The following BAIAP2L2 variants were observed in gnomAD, a reference collection of about 807,000 sequenced individuals.
BAIAP2L2 encodes BAR/IMD domain containing adaptor protein 2 like 2.
In BAIAP2L2, 65 loss-of-function variants were observed where a neutral mutation model predicts 60.4. That is an observed-to-expected ratio of 1.08 (90% confidence interval 0.88 to 1.32). The LOEUF (loss-of-function observed/expected upper bound fraction) is 1.32, where lower values mean the gene tolerates loss of function less well. Among genes scored for constraint, BAIAP2L2 ranks in the 40% most tolerant of loss-of-function variants. BAIAP2L2 has a pLI of 0.00. For missense variants in BAIAP2L2, 836 were observed against 741.2 expected (o/e 1.13, Z -1.48); for synonymous variants, 344 against 301.7 (o/e 1.14, Z -1.45).
intron 7 of BAIAP2L2, chr22:38,091,157 A>G (rs1311880042): frequency 6.6e-6 from 1 of 152,292 alleles, no homozygotes; most frequent in African/African-American, 2.4e-5. Context: ...TCCCGGCTTC[A>G]AGTGATTATT....
intron 1 of BAIAP2L2, among the ~76,000 whole-genome samples, 163 bp downstream of exon 1, chr22:38,110,312 C>T (rs529130320): frequency 1.3e-5 from 2 of 151,932 alleles, no homozygotes; most frequent in South Asian, 2.1e-4. Context: ...TGAGTGCTCT[C>T]GGGGATCCTT....
intron 9 of BAIAP2L2, 62 bp from the exon 10 acceptor site, chr22:38,089,026 T>A (rs2086192104): frequency 2.1e-6 from 3 of 1,447,866 alleles, no homozygotes; most frequent in African/African-American, 2.9e-5. Context: ...CTGCCCTCGA[T>A]CCCTCCTGCT....
intron 1 of BAIAP2L2, among the ~76,000 whole-genome samples, chr22:38,110,049 CAGAGAGAGAG>C (rs1231617585): frequency 2.4e-4 from 1 of 4,220 alleles, no homozygotes; most frequent in African/African-American, 1.5e-3. Flanking sequence ...CAGGGAGAGA[CAGAGAGAGAG>C]AGAGAGACAG....
intron 7 of BAIAP2L2, chr22:38,094,104 C>A: frequency 2.3e-6 from 1 of 427,324 alleles, no homozygotes; most frequent in South Asian, 1.7e-5. Flanking sequence ...CCAGAATGGG[C>A]AAATGTATTG....
rs765760012 is a variant in BAIAP2L2, at chr22:38,097,057, T to C, written c.587A>G (p.Asn196Ser). 1.9e-6 allele frequency: 3 copies of C among 1,613,694 alleles called. No individual in the cohort carries two copies. Among genetic ancestry groups the C allele is most frequent in the South Asian group, 2.2e-5 (2 of 91,018 alleles). Residue 196 changes from asparagine (N) to serine (S), a missense_variant, in exon 7 of 14, where the codon AAC becomes AGC. By Grantham distance (46) the Asn-to-Ser change is conservative (BLOSUM62 1). Coordinates refer to ENST00000381669, the MANE Select transcript of BAIAP2L2 (RefSeq NM_025045.6). ...FLAEKHLLLS[N>S]TFLQFFGRAR... Reference sequence around the variant, plus strand: ...CCGGCCGAAGAACTGCAGGAAGGTGTTGGAAAGTAGCAGGTGCTTCTCTGC... The same window carrying C: ...CCGGCCGAAGAACTGCAGGAAGGTGCTGGAAAGTAGCAGGTGCTTCTCTGC...
chr22:38,104,583 C>T (rs1224851317), intron 4 of BAIAP2L2, among the ~76,000 whole-genome samples: 1 of 151,506 alleles, frequency 6.6e-6, no homozygotes, highest in African/African-American at 2.4e-5. Context: ...GCAAGCTCCG[C>T]CTCCCGGGTT....
chr22:38,089,263 CGGGGG>C, intron 8 of BAIAP2L2, 32 bp from the exon 9 acceptor site: 1 of 20,922 alleles, frequency 4.8e-5, no homozygotes, highest in Admixed American at 1.8e-3. Flanking sequence ...GAGGGTGGGG[CGGGGG>C]GGGGGGGGGG....
chr22:38,105,172 TC>T (rs973781573), intron 4 of BAIAP2L2, among the ~76,000 whole-genome samples: 1 of 151,720 alleles, frequency 6.6e-6, no homozygotes, highest in Non-Finnish European at 1.5e-5. Context: ...AGGGCCAGAG[TC>T]CCGCCAGGGC....
chr22:38,107,805 C>T (rs570998387), intron 4 of BAIAP2L2, 47 bp downstream of exon 4: 1 of 1,571,038 alleles, frequency 6.4e-7, no homozygotes, highest in Admixed American at 1.7e-5. Context: ...GGAACATAGC[C>T]CACTTTCCTC....
In BAIAP2L2 at chr22:38,089,106, C is replaced by A; in HGVS notation, c.891G>T (p.Thr297=). 2 of 1,374,640 alleles carry A rather than the reference C, an allele frequency of 1.5e-6. No homozygotes were observed. The highest frequency in any genetic ancestry group is 1.9e-6 in the Non-Finnish European group (2 of 1,070,292). 85.2% of individuals were successfully genotyped at this position (1,374,640 alleles called of 1,614,324 possible). ...LEPDRRSLPR[T]PSASSLYSGS... ...GGCGGGGGCACTCACAGGCCGACGG[C>A]GTGCGGGGCAGGGAGCGACGGTCTG... The change falls in exon 9 of 14, where the codon ACG becomes ACT. Residue 297 remains threonine (T), a synonymous_variant. Coordinates refer to ENST00000381669, the MANE Select transcript of BAIAP2L2 (RefSeq NM_025045.6).
At chr22:38,109,032 G>A (rs373903104) in intron 2 of BAIAP2L2, 101 bp downstream of exon 2, 2 of 1,021,956 alleles carry the variant, frequency 2.0e-6, no homozygotes, top group East Asian at 2.5e-5. Flanking sequence ...GTAGGGTTGA[G>A]GATGAACAGG....
intron 8 of BAIAP2L2, 39 bp downstream of exon 8, chr22:38,089,483 C>CG: frequency 8.7e-7 from 1 of 1,149,954 alleles, no homozygotes; most frequent in South Asian, 4.3e-5. Flanking sequence ...CGGGGGGCGG[C>CG]GGGGGCGCGA....
intron 13 of BAIAP2L2, 105 bp from the exon 14 acceptor site, chr22:38,085,480 C>CTATT (rs1412203466): frequency 7.4e-7 from 1 of 1,354,892 alleles, no homozygotes; most frequent in Non-Finnish European, 1.0e-6. Context: ...CCTCCTGCCC[C>CTATT]TATTTGGTCT....
intron 11 of BAIAP2L2, among the ~76,000 whole-genome samples, chr22:38,086,870 C>T (rs2086092220): frequency 6.6e-6 from 1 of 151,930 alleles, no homozygotes; most frequent in African/African-American, 2.4e-5. Flanking sequence ...GTGGTGTGTG[C>T]CTGTAATCCC....
At position 38,089,160 on chromosome 22, in the gene BAIAP2L2, G is replaced by A; in HGVS notation, c.837C>T (p.Pro279=). The A allele has an allele frequency of 3.7e-6, 5 of 1,339,704 alleles. No individual in the cohort carries two copies. In the South Asian group the frequency reaches 9.8e-5, roughly 26 times the overall value. The allele number at this position is 1,339,704 out of a possible 1,614,324, so 83.0% of individuals were successfully genotyped here. A position where few individuals can be genotyped will look rare whatever the true frequency, so the allele number is the denominator to read the frequency against. ...CTAGCTGGGACGCGGGCCTCGCGTCGGGCTCGGTGCCGTAGGAGCCGGAGC... is the reference window on the plus strand; with the variant it reads ...CTAGCTGGGACGCGGGCCTCGCGTCAGGCTCGGTGCCGTAGGAGCCGGAGC... ...RHGSGSYGTE[P]DARPASQLEP... Residue 279 remains proline, a synonymous_variant, in exon 9 of 14, where the codon CCC becomes CCT. Coordinates refer to ENST00000381669, the MANE Select transcript of BAIAP2L2 (RefSeq NM_025045.6).
chr22:38,105,589 C>T (rs1322303538), intron 4 of BAIAP2L2, among the ~76,000 whole-genome samples: 2 of 152,002 alleles, frequency 1.3e-5, no homozygotes, highest in African/African-American at 4.8e-5. Flanking sequence ...GTGATCCGCC[C>T]ACCTCGGCCT....
intron 13 of BAIAP2L2, 51 bp downstream of exon 13, chr22:38,085,635 C>G: frequency 5.7e-6 from 9 of 1,584,892 alleles, no homozygotes; most frequent in East Asian, 2.2e-5. Context: ...AAGTGTGTGC[C>G]GCCGCACCTG....
chr22:38,093,081 G>A (rs558043033), intron 7 of BAIAP2L2, among the ~76,000 whole-genome samples: 5 of 152,238 alleles, frequency 3.3e-5, no homozygotes, highest in African/African-American at 4.8e-5. Context: ...CAGGAGAATC[G>A]CTTGAACCCA....
chr22:38,093,766 A>G, intron 7 of BAIAP2L2: 1 of 389,498 alleles, frequency 2.6e-6, no homozygotes, highest in East Asian at 7.4e-5. Flanking sequence ...TGGACACGGA[A>G]ACACTCCGGA....
Sources: allele counts gnomAD v4.1 joint callset (sites outside exome capture counted in the v4.1 genomes callset), GRCh38; gene constraint gnomAD v4.1.1; transcripts MANE v1.5; gene names NCBI Gene and HGNC (gene_info 2026-07-23, HGNC 2026-07-21).